RSPO2: variants seen among roughly 807,000 people sequenced by gnomAD.
RSPO2 encodes R-spondin 2, also known as R-spondin-2.
A neutral mutation model predicts 30.9 loss-of-function variants in RSPO2; 14 were observed. That is an observed-to-expected ratio of 0.45 (90% CI 0.30 to 0.71). The LOEUF is 0.71. Ranked by LOEUF, RSPO2 falls within the 30% of genes least tolerant of loss-of-function variation. The probability of loss-of-function intolerance (pLI) is 0.08; values close to 1 mark genes in which losing one functional copy is unlikely to be tolerated. For missense variants in RSPO2, 264 were observed against 301.9 expected (o/e 0.87, Z 0.93); for synonymous variants, 107 against 96.4 (o/e 1.11, Z -0.64).
At chr8:107,947,436 A>G (rs1298018138) in intron 5 of RSPO2, among the ~76,000 whole-genome samples, 3 of 152,174 alleles carry the variant, frequency 2.0e-5, no homozygotes, top group South Asian at 4.1e-4. Context: ...AAAAAAAGAA[A>G]AAGAAAAAAC....
At chr8:107,924,395 A>T (rs1812287000) in intron 5 of RSPO2, among the ~76,000 whole-genome samples, 1 of 152,094 alleles carries the variant, frequency 6.6e-6, no homozygotes, top group African/African-American at 2.4e-5. Flanking sequence ...CTTTGAAAAG[A>T]GAGAGGAGGG....
At chr8:108,077,367 T>C (rs1813046932) in intron 2 of RSPO2, among the ~76,000 whole-genome samples, 1 of 152,012 alleles carries the variant, frequency 6.6e-6, no homozygotes, top group Admixed American at 6.6e-5. Flanking sequence ...AACAGCAGCA[T>C]GCTTGAAATA....
chr8:108,046,571 T>C (rs1445731609), intron 2 of RSPO2, among the ~76,000 whole-genome samples: 1 of 152,110 alleles, frequency 6.6e-6, no homozygotes, highest in Non-Finnish European at 1.5e-5. Flanking sequence ...CATATCAGGC[T>C]ATGCAAACTT....
chr8:107,951,177 T>C (rs1288567939), intron 5 of RSPO2, among the ~76,000 whole-genome samples: 1 of 151,832 alleles, frequency 6.6e-6, no homozygotes, highest in Non-Finnish European at 1.5e-5. Context: ...TGCCTCAGCC[T>C]CCCAAGTAGC....
chr8:107,934,459 G>A (rs1245340743), intron 5 of RSPO2, among the ~76,000 whole-genome samples: 4 of 150,202 alleles, frequency 2.7e-5, no homozygotes, highest in South Asian at 2.1e-4. Flanking sequence ...TGCAACCTCC[G>A]CCTCCCAGGT....
intron 2 of RSPO2, among the ~76,000 whole-genome samples, chr8:108,070,663 C>A (rs1339980450): frequency 6.6e-6 from 1 of 152,114 alleles, no homozygotes; most frequent in Non-Finnish European, 1.5e-5. Flanking sequence ...TATTTAACTA[C>A]CTATTAGATA....
chr8:108,021,901 C>T (rs569518801), intron 2 of RSPO2, among the ~76,000 whole-genome samples: 126 of 152,064 alleles, frequency 8.3e-4, no homozygotes, highest in South Asian at 1.3e-3. Flanking sequence ...ATGTAACAAA[C>T]GTACACATTC....
At chr8:107,962,384 C>A (rs1813656304) in intron 3 of RSPO2, among the ~76,000 whole-genome samples, 1 of 152,100 alleles carries the variant, frequency 6.6e-6, no homozygotes, top group African/African-American at 2.4e-5. Flanking sequence ...TCTAAACAGG[C>A]TTCTTTGTAT....
intron 2 of RSPO2, among the ~76,000 whole-genome samples, chr8:108,070,072 C>T (rs1367205419): frequency 2.6e-5 from 4 of 152,150 alleles, no homozygotes; most frequent in Non-Finnish European, 5.9e-5. Context: ...TTGAGGTATA[C>T]ACCTTCTTTT....
At chr8:107,973,868 G>T (rs780333448) in intron 3 of RSPO2, among the ~76,000 whole-genome samples, 4 of 151,956 alleles carry the variant, frequency 2.6e-5, no homozygotes, top group African/African-American at 9.7e-5. Context: ...AGCATAAGCC[G>T]CAGATTCTAC....
intron 3 of RSPO2, among the ~76,000 whole-genome samples, chr8:107,986,900 A>C (rs929911086): frequency 1.3e-5 from 2 of 152,218 alleles, no homozygotes; most frequent in Non-Finnish European, 2.9e-5. Context: ...GAAGTTTATA[A>C]ACTATGAGAA....
intron 3 of RSPO2, chr8:107,983,222 AG>A: frequency 6.3e-7 from 1 of 1,577,324 alleles, no homozygotes; most frequent in Non-Finnish European, 8.6e-7. Context: ...TGTCACAAAA[AG>A]GCTGCAGCGT....
At chr8:108,065,289 GAAA>G (rs533689799) in intron 2 of RSPO2, among the ~76,000 whole-genome samples, 1 of 78,256 alleles carries the variant, frequency 1.3e-5, no homozygotes, top group Non-Finnish European at 2.8e-5. Context: ...CTCAGAAATT[GAAA>G]AAAAAAAAAA....
chr8:107,913,409 A>T (rs1479791012), intron 5 of RSPO2, among the ~76,000 whole-genome samples: 1 of 152,168 alleles, frequency 6.6e-6, no homozygotes, highest in African/African-American at 2.4e-5. Flanking sequence ...AGGATAACCA[A>T]TGGTATATTT....
intron 2 of RSPO2, among the ~76,000 whole-genome samples, chr8:108,043,142 T>A (rs1160928618): frequency 2.0e-5 from 3 of 151,548 alleles, no homozygotes; most frequent in Non-Finnish European, 2.9e-5. Flanking sequence ...TGAGGAAGAG[T>A]GGAAGATAAG....
chr8:108,082,890 T>G, intron 1 of RSPO2, 83 bp from the exon 2 acceptor site: 1 of 485,424 alleles, frequency 2.1e-6, no homozygotes, highest in Non-Finnish European at 3.6e-6. Context: ...ACGTCCCAAT[T>G]TAAAGAAGAG....
chr8:107,983,641 G>A, intron 3 of RSPO2: 1 of 1,596,328 alleles, frequency 6.3e-7, no homozygotes, highest in Non-Finnish European at 8.6e-7. Context: ...AACCAAAATT[G>A]CAGATTTGAA....
intron 5 of RSPO2, among the ~76,000 whole-genome samples, chr8:107,941,387 C>T (rs1425578705): frequency 2.0e-5 from 3 of 152,132 alleles, no homozygotes; most frequent in Non-Finnish European, 4.4e-5. Flanking sequence ...GCAATGATAA[C>T]AGACTAATAA....
At chr8:107,941,766 C>A (rs1280502325) in intron 5 of RSPO2, among the ~76,000 whole-genome samples, 1 of 152,156 alleles carries the variant, frequency 6.6e-6, no homozygotes, top group African/African-American at 2.4e-5. Context: ...CTTGATTGAA[C>A]ACTCTATAAA....
Sources: allele counts gnomAD v4.1 joint callset (sites outside exome capture counted in the v4.1 genomes callset), GRCh38; gene constraint gnomAD v4.1.1; transcripts MANE v1.5; gene names NCBI Gene and HGNC (gene_info 2026-07-23, HGNC 2026-07-21).